The following SSRP1 variants were observed in gnomAD, a reference collection of about 807,000 sequenced individuals.
SSRP1 encodes the protein structure specific recognition protein 1, also known as FACT complex subunit SSRP1.
SSRP1 carries 21 observed loss-of-function variants against 84.4 expected under a neutral mutation model. The ratio of observed to expected loss-of-function variants is 0.25; its 90% CI spans 0.18 to 0.36. The LOEUF is 0.36. Ranked by LOEUF, SSRP1 falls within the 10% of genes least tolerant of loss-of-function variation. SSRP1 has a pLI of 1.00. For synonymous variants in SSRP1, 319 were observed against 318.3 expected (o/e 1.00, Z -0.02); for missense variants, 519 against 900.8 (o/e 0.58, Z 5.43).
chr11:57,326,645 CACAG>C (rs1855987183), intron 16 of SSRP1, 54 bp downstream of exon 16: 23 of 1,593,570 alleles, frequency 1.4e-5, no homozygotes, highest in Non-Finnish European at 1.9e-5. Context: ...ACCAACCCCA[CACAG>C]ACACACATGC....
intron 12 of SSRP1, 177 bp downstream of exon 12, chr11:57,329,916 G>T: frequency 1.3e-6 from 1 of 750,660 alleles, no homozygotes; most frequent in Non-Finnish European, 2.2e-6. Flanking sequence ...AATATGTCTT[G>T]CACTTACAAA....
At chr11:57,329,798 C>T in intron 12 of SSRP1, 1 of 496,070 alleles carries the variant, frequency 2.0e-6, no homozygotes, top group Non-Finnish European at 3.6e-6. Flanking sequence ...AAGTAAGTGG[C>T]AAGCACCAGC....
chr11:57,332,140 C>G lies in SSRP1; in HGVS notation c.1001+12G>C, dbSNP rs1211545187. The G allele has an allele frequency of 1.9e-6, 3 of 1,613,266 alleles. No individual in the cohort carries two copies. The East Asian group carries it at 6.7e-5, about 36-fold the overall frequency. ...ACCCAGGCAGGGCAGGATCCCAGGCCCACACTCTCACCCTTGGAAGTTGCC... is the reference window on the plus strand; with the variant it reads ...ACCCAGGCAGGGCAGGATCCCAGGCGCACACTCTCACCCTTGGAAGTTGCC... On this transcript the variant is annotated intron_variant, in intron 8 of 16. Coordinates refer to ENST00000278412, the MANE Select transcript of SSRP1 (RefSeq NM_003146.3). The surrounding 1 kb of genome is among the most constrained non-coding windows in gnomAD (Gnocchi z 5.5).
intron 4 of SSRP1, 87 bp downstream of exon 4, chr11:57,333,348 G>A: frequency 1.6e-6 from 2 of 1,261,296 alleles, no homozygotes; most frequent in Non-Finnish European, 2.3e-6. Context: ...CAGAGACAGT[G>A]GCAGAGGGAA....
intron 2 of SSRP1, 147 bp from the exon 3 acceptor site, chr11:57,334,795 A>G (rs1856174338): frequency 8.1e-6 from 8 of 988,258 alleles, no homozygotes; most frequent in Non-Finnish European, 1.0e-5. Context: ...AGGAGTCTAG[A>G]TTCTAAACCA....
chr11:57,327,800 ATCT>A lies in SSRP1; in HGVS notation c.1691_1693del (p.Lys564del). The A allele has an allele frequency of 6.2e-7, 1 of 1,613,990 alleles. No homozygotes were observed. Among genetic ancestry groups the A allele is most frequent in the Non-Finnish European group, 8.5e-7 (1 of 1,180,016 alleles). ...GCTGATGCCAGGATGGTCTGACTTGATCTTCTCTCGGCTGGCATTGAGCCACAG... is the reference window on the plus strand; with the variant it reads ...GCTGATGCCAGGATGGTCTGACTTGATCTCTCGGCTGGCATTGAGCCACAG... On this transcript the variant is annotated inframe_deletion, in exon 14 of 17. Coordinates refer to ENST00000278412, the MANE Select transcript of SSRP1 (RefSeq NM_003146.3).
In SSRP1 at chr11:57,330,619, G is replaced by A; in HGVS notation, c.1297-190C>T. On this transcript the variant is annotated intron_variant, in intron 10 of 16. Coordinates refer to ENST00000278412, the MANE Select transcript of SSRP1 (RefSeq NM_003146.3). The surrounding 1 kb of genome is among the most constrained non-coding windows in gnomAD (Gnocchi z 4.0). ...CTTCCTGCCAACTGGGTTAGTCCAA[G>A]CCCCAAGCCCCTCCCTCTCCCAGCC... 4 of 1,435,054 alleles carry A rather than the reference G, an allele frequency of 2.8e-6. No individual in the cohort carries two copies. Among genetic ancestry groups the A allele is most frequent in the Non-Finnish European group, 3.6e-6 (4 of 1,097,024 alleles). 88.9% of individuals were successfully genotyped at this position (1,435,054 alleles called of 1,614,324 possible).
rs1344591160 is a variant in SSRP1 at position 57,332,565 on chromosome 11, C to A, written c.768+60G>T. ...GTAGAATTCTGCACACCAGTGAGAT[C>A]CATCTACTTAACACTTAGGCAAAAA... On this transcript the variant is annotated intron_variant, in intron 6 of 16. Coordinates refer to ENST00000278412, the MANE Select transcript of SSRP1 (RefSeq NM_003146.3). This position sits in a 1 kb window ranked among gnomAD's most constrained non-coding sequence, Gnocchi z 5.5. 6.2e-7 allele frequency: 1 copy of A among 1,603,154 alleles called. No homozygotes were observed. The highest frequency in any genetic ancestry group is 1.3e-5 in the African/African-American group (1 of 74,660).
rs1253440528 is a variant in SSRP1, at chr11:57,332,809, G to A, written c.584C>T (p.Thr195Met). 2.5e-6 allele frequency: 4 copies of A among 1,613,938 alleles called. No individual in the cohort carries two copies. The highest frequency in any genetic ancestry group is 1.7e-5 in the Admixed American group (1 of 60,008). ...VLSKADVIQA[T>M]GDAICIFREL... ...CCGGAAGATGCAGATGGCATCTCCC[G>A]TGGCCTGGATTACATCCGCCTTTGA... Residue 195 changes from threonine (T) to methionine (M), a missense_variant, in exon 6 of 17, where the codon ACG becomes ATG. Thr to Met is a moderately conservative substitution (Grantham distance 81). Around this residue, in one of 7 missense-constraint regions of SSRP1, gnomAD observed 159 missense variants for 359.0 expected, o/e 0.44. Transcript: ENST00000278412. The surrounding 1 kb of genome is among the most constrained non-coding windows in gnomAD (Gnocchi z 5.5).
At position 57,331,897 on chromosome 11, in the gene SSRP1, AG is replaced by A. The variant is rs543963215; in HGVS notation, c.1002-9del. On this transcript the variant is annotated splice_polypyrimidine_tract_variant and intron_variant, in intron 8 of 16. Coordinates refer to ENST00000278412, the MANE Select transcript of SSRP1 (RefSeq NM_003146.3). ...CACTGGGCCCCTGAGTGCCTGACAGAGGGTGCAGGGAGCCTGGTTAGTGCCA... is the reference window on the plus strand; with the variant it reads ...CACTGGGCCCCTGAGTGCCTGACAGAGGTGCAGGGAGCCTGGTTAGTGCCA... 1.1e-5 allele frequency: 17 copies of A among 1,607,464 alleles called. No homozygotes were observed. In the African/African-American group the frequency reaches 1.7e-4, roughly 16 times the overall value.
In SSRP1 at chr11:57,332,403, C is replaced by T. The variant is rs142066470; in HGVS notation, c.852G>A (p.Ser284=). 637 of 1,614,076 alleles carry T rather than the reference C, an allele frequency of 3.9e-4. 4 individuals carry two copies. The highest frequency in any genetic ancestry group is 4.5e-4 in the African/African-American group (34 of 75,004). The change falls in exon 7 of 17, where the codon TCG becomes TCA. Residue 284 remains serine, a synonymous_variant. Transcript: ENST00000278412. This position sits in a 1 kb window ranked among gnomAD's most constrained non-coding sequence, Gnocchi z 5.5. ...CTCACTCGTTCATGTTCAGAGTCAA[C>T]GAAATGTCCTCGTCCTTGGAGAAGA... ...ILLFSKDEDI[S]LTLNMNEEEV...
At chr11:57,333,179 G>T (rs1376452082) in intron 4 of SSRP1, 30 bp from the exon 5 acceptor site, 2 of 1,584,552 alleles carry the variant, frequency 1.3e-6, no homozygotes, top group Non-Finnish European at 1.7e-6. Context: ...CCAGCCACAA[G>T]CTCCTCCCCT....
rs1329267611 is a variant in SSRP1 at position 57,328,232 on chromosome 11, G to A, written c.1611+65C>T. On this transcript the variant is annotated intron_variant, in intron 13 of 16. Transcript: ENST00000278412. ...CTGGTGGTGGACAGGAGAAGGTAAA[G>A]AGAATGCCTCCCACGCCCCCCACCC... is the stretch of plus-strand genomic sequence containing the variant. 4.4e-6 allele frequency: 7 copies of A among 1,583,710 alleles called. No homozygotes were observed. The East Asian group carries it at 6.7e-5, about 15-fold the overall frequency.
intron 2 of SSRP1, among the ~76,000 whole-genome samples, 196 bp downstream of exon 2, chr11:57,334,872 T>C (rs1309794762): frequency 2.0e-5 from 3 of 152,266 alleles, no homozygotes; most frequent in Non-Finnish European, 4.4e-5. Context: ...AATTGGGAAC[T>C]GAACAGCATA....
rs1269767076 is a variant in SSRP1, at chr11:57,332,345, T to G, written c.872+38A>C. The G allele has an allele frequency of 1.9e-6, 3 of 1,613,758 alleles. No individual in the cohort carries two copies. The highest frequency in any genetic ancestry group is 2.5e-6 in the Non-Finnish European group (3 of 1,179,804). ...TCTAATGGCACACCTGTCTCCTGCC[T>G]GGACAGTGGTAGGAAACGAGTCCAG... is the stretch of plus-strand genomic sequence containing the variant. On this transcript the variant is annotated intron_variant, in intron 7 of 16. Coordinates refer to ENST00000278412, the MANE Select transcript of SSRP1 (RefSeq NM_003146.3). The surrounding 1 kb of genome is among the most constrained non-coding windows in gnomAD (Gnocchi z 5.5).
rs1301813602 is a variant in SSRP1, at chr11:57,330,696, G to A, written c.1296+159C>T. 2.0e-6 allele frequency: 3 copies of A among 1,481,618 alleles called. No individual in the cohort carries two copies. Among genetic ancestry groups the A allele is most frequent in the African/African-American group, 2.8e-5 (2 of 71,198 alleles). The allele number at this position is 1,481,618 out of a possible 1,614,324, so 91.8% of individuals were successfully genotyped here. A position where few individuals can be genotyped will look rare whatever the true frequency, so the allele number is the denominator to read the frequency against. On this transcript the variant is annotated intron_variant, in intron 10 of 16. Transcript: ENST00000278412. This position sits in a 1 kb window ranked among gnomAD's most constrained non-coding sequence, Gnocchi z 4.0. ...TAGACTGGTCTAAGGTCATGCAGAG[G>A]AAACCTGCACCAGGAGGGGGAAAGG...
At position 57,330,918 on chromosome 11, in the gene SSRP1, G is replaced by A. The variant is rs899486390; in HGVS notation, c.1233C>T (p.Tyr411=). The part of the protein sequence containing the change: ...YTFSSIEREE[Y]GKLFDFVNAK... Reference sequence around the variant, plus strand: ...CGTTGACAAAATCAAACAGTTTCCCGTACTCCTCCCTGTGAGGGGACATGC... The same window carrying A: ...CGTTGACAAAATCAAACAGTTTCCCATACTCCTCCCTGTGAGGGGACATGC... Residue 411 remains tyrosine, a synonymous_variant, in exon 10 of 17, where the codon TAC becomes TAT. Coordinates refer to ENST00000278412, the MANE Select transcript of SSRP1 (RefSeq NM_003146.3). The surrounding 1 kb of genome is among the most constrained non-coding windows in gnomAD (Gnocchi z 4.0). 18 of 1,614,000 alleles carry A rather than the reference G, an allele frequency of 1.1e-5. No homozygotes were observed. Among genetic ancestry groups the A allele is most frequent in the Admixed American group, 3.3e-5 (2 of 60,000 alleles).
rs1315803828 is a variant in SSRP1, at chr11:57,332,598, T to C, written c.768+27A>G. On this transcript the variant is annotated intron_variant, in intron 6 of 16. Transcript: ENST00000278412. The surrounding 1 kb of genome is among the most constrained non-coding windows in gnomAD (Gnocchi z 5.5). The stretch of plus-strand genomic sequence containing the variant: ...TTAACACTTAGGCAAAAACCAGGAT[T>C]ATCCGGCCATAGGGGTTTCTGCTTA... The C allele has an allele frequency of 6.2e-7, 1 of 1,606,610 alleles. No homozygotes were observed. The highest frequency in any genetic ancestry group is 1.1e-5 in the South Asian group (1 of 90,804).
Position 57,334,450 on chromosome 11 carries a change from T to A in SSRP1, c.240+13A>T. The stretch of plus-strand genomic sequence containing the variant: ...GCAGTAAAAAGGAGGCTTATAGCCA[T>A]GGGACATCTCACCGATTCTCGGAAG... On this transcript the variant is annotated intron_variant, in intron 3 of 16. Transcript: ENST00000278412. 6.2e-7 allele frequency: 1 copy of A among 1,613,102 alleles called. No individual in the cohort carries two copies. Among genetic ancestry groups the A allele is most frequent in the Non-Finnish European group, 8.5e-7 (1 of 1,179,088 alleles).
Sources: gnomAD v4.1 joint callset for allele counts (sites outside exome capture counted in the v4.1 genomes callset) on GRCh38, gnomAD v4.1.1 for gene constraint, gnomAD v4.1.1 regional missense constraint, Gnocchi (gnomAD v3.1) non-coding constraint, MANE v1.5 for transcripts, NCBI Gene and HGNC (gene_info 2026-07-23, HGNC 2026-07-21) for gene names.